Variants in RNF38 observed in about 807,000 individuals in gnomAD.
RNF38 encodes ring finger protein 38, also known as E3 ubiquitin-protein ligase RNF38.
A neutral mutation model predicts 67.2 loss-of-function variants in RNF38; 15 were observed. That is an observed-to-expected ratio of 0.22 (90% CI 0.15 to 0.34). RNF38 has a LOEUF of 0.34. Among genes scored for constraint, RNF38 ranks in the 10% least tolerant of loss-of-function variants. RNF38 has a pLI of 1.00. For missense variants in RNF38, 524 were observed against 639.9 expected (o/e 0.82, Z 1.95); for synonymous variants, 220 against 218.8 (o/e 1.01, Z -0.05).
intron 1 of RNF38, among the ~76,000 whole-genome samples, chr9:36,432,076 T>C (rs570180525): frequency 1.3e-5 from 2 of 152,346 alleles, no homozygotes; most frequent in East Asian, 1.9e-4. Flanking sequence ...AGTTGTGAGA[T>C]AAATAATCTA....
chr9:36,475,802 G>A (rs900526333), intron 1 of RNF38, among the ~76,000 whole-genome samples: 4 of 150,878 alleles, frequency 2.7e-5, no homozygotes, highest in Non-Finnish European at 5.9e-5. Context: ...CGGATCACAC[G>A]GTCAGGAGTT....
chr9:36,390,698 T>C, intron 1 of RNF38, 82 bp from the exon 2 acceptor site: 3 of 1,364,382 alleles, frequency 2.2e-6, no homozygotes, highest in Non-Finnish European at 3.0e-6. Context: ...ATAGTCTGGA[T>C]TTTCTAGGTA....
rs564479148 is a variant in RNF38 at position 36,467,215 on chromosome 9, T to C, written n.241+20093A>G. 6.5e-5 allele frequency among the ~76,000 whole-genome samples: 5 copies of C among 77,194 alleles called. No homozygotes were observed. In the East Asian group the frequency reaches 2.0e-3, roughly 30 times the overall value. The allele number at this position is 77,194 out of a possible 152,430, so 50.6% of individuals were successfully genotyped here. A position where few individuals can be genotyped will look rare whatever the true frequency, so the allele number is the denominator to read the frequency against. On this transcript the variant is annotated intron_variant and non_coding_transcript_variant, in intron 1 of 3. Transcript: ENST00000488058. ...CAACTGCAACTAATCTGATTGCTAT[T>C]ACATATATATATATATAATATATAT...
chr9:36,427,595 T>C (rs905925353), intron 1 of RNF38, among the ~76,000 whole-genome samples: 16 of 152,154 alleles, frequency 1.1e-4, no homozygotes, highest in African/African-American at 3.1e-4. Flanking sequence ...GCACTCTCTA[T>C]GTACCAGGAA....
rs1029766002 is a variant in RNF38 at position 36,388,374 on chromosome 9, A to T, written c.162+2093T>A. Among the ~76,000 whole-genome samples, 8 of 152,366 alleles carry T rather than the reference A, an allele frequency of 5.3e-5. No homozygotes were observed. In the East Asian group the frequency reaches 1.3e-3, roughly 26 times the overall value. On this transcript the variant is annotated intron_variant, in intron 2 of 11. Transcript: ENST00000259605. ...CCTGAATTTTGGGCAATTAAAAAGA[A>T]GTCTTGACTAGGAGCAATACAAAAC...
At chr9:36,348,573 C>CTT (rs1396926925) in intron 9 of RNF38, among the ~76,000 whole-genome samples, 1 of 152,170 alleles carries the variant, frequency 6.6e-6, no homozygotes, top group African/African-American at 2.4e-5. Flanking sequence ...TGGAGAAAGT[C>CTT]TGAGTGATAC....
In RNF38 at chr9:36,432,406, T is replaced by C. The variant is rs1475041231; in HGVS notation, n.242-7723A>G. On this transcript the variant is annotated intron_variant and non_coding_transcript_variant, in intron 1 of 3. Coordinates refer to the RNF38 transcript ENST00000488058. ...CTTTGGCATCCCAAAGTGCTGGGAT[T>C]ACAGGCGTTAAGCCACCGCGCCTAG... is the stretch of plus-strand genomic sequence containing the variant. Among the ~76,000 whole-genome samples the C allele has an allele frequency of 3.3e-5, 5 of 152,152 alleles. No individual in the cohort carries two copies. In the South Asian group the frequency reaches 6.2e-4, roughly 19 times the overall value.
At chr9:36,481,058 A>G (rs1840248919) in intron 1 of RNF38, among the ~76,000 whole-genome samples, 1 of 141,598 alleles carries the variant, frequency 7.1e-6, no homozygotes, top group Admixed American at 7.5e-5. Context: ...TCTGTCACCC[A>G]GGCTGGAGTG....
intron 1 of RNF38, among the ~76,000 whole-genome samples, chr9:36,441,280 A>AT (rs1475530934): frequency 6.6e-6 from 1 of 152,104 alleles, no homozygotes; most frequent in Non-Finnish European, 1.5e-5. Context: ...TAAAATTTAC[A>AT]TAATTTCATT....
intron 2 of RNF38, among the ~76,000 whole-genome samples, chr9:36,423,539 T>C (rs961240000): frequency 6.6e-6 from 1 of 152,118 alleles, no homozygotes; most frequent in African/African-American, 2.4e-5. Context: ...CCACTAGAAA[T>C]TGATGGTGAA....
chr9:36,429,665 G>A (rs1441867566), intron 1 of RNF38, among the ~76,000 whole-genome samples: 2 of 151,994 alleles, frequency 1.3e-5, no homozygotes, highest in African/African-American at 4.8e-5. Flanking sequence ...ATGGTGGCGG[G>A]CACCTGTAAT....
At chr9:36,397,985 G>A (rs865833346) in intron 1 of RNF38, among the ~76,000 whole-genome samples, 2 of 151,892 alleles carry the variant, frequency 1.3e-5, no homozygotes, top group African/African-American at 2.4e-5. Flanking sequence ...ACACACACAC[G>A]GCGCACACAC....
rs1182448831 is a variant in RNF38 at position 36,411,287 on chromosome 9, G to A, written n.312+13326C>T. Among the ~76,000 whole-genome samples, 4 of 152,066 alleles carry A rather than the reference G, an allele frequency of 2.6e-5. No homozygotes were observed. In the East Asian group the frequency reaches 7.7e-4, roughly 29 times the overall value. The stretch of plus-strand genomic sequence containing the variant: ...AAATAACAAGTGTTGGCGAGGATTT[G>A]GAGAAACTGGAATCTCTCTGCACTG... On this transcript the variant is annotated intron_variant and non_coding_transcript_variant, in intron 2 of 3. Coordinates refer to the RNF38 transcript ENST00000488058.
intron 4 of RNF38, among the ~76,000 whole-genome samples, chr9:36,369,395 A>C (rs1411049333): frequency 6.6e-6 from 1 of 152,054 alleles, no homozygotes; most frequent in African/African-American, 2.4e-5. Context: ...TAATTTTCGT[A>C]CTTTTAGTAG....
chr9:36,411,678 C>T (rs1838329110), intron 2 of RNF38, among the ~76,000 whole-genome samples: 1 of 152,106 alleles, frequency 6.6e-6, no homozygotes, highest in South Asian at 2.1e-4. Context: ...CCTCCTGCCT[C>T]AGCCTCCTAA....
At chr9:36,401,076 C>G (rs915366570), upstream of RNF38, 17 of 984,970 alleles carry the variant, frequency 1.7e-5, no homozygotes, top group Non-Finnish European at 1.8e-5. Context: ...CCGTCCCACC[C>G]CGTCCCCTCG....
At chr9:36,394,238 G>A (rs990926839) in intron 1 of RNF38, among the ~76,000 whole-genome samples, 1 of 151,802 alleles carries the variant, frequency 6.6e-6, no homozygotes, top group Non-Finnish European at 1.5e-5. Flanking sequence ...TCGTGCCACT[G>A]CACTCCAGCC....
At position 36,444,948 on chromosome 9, in the gene RNF38, A is replaced by G. The variant is rs1351182644; in HGVS notation, n.242-20265T>C. 2.3e-5 allele frequency among the ~76,000 whole-genome samples: 3 copies of G among 129,818 alleles called. No individual in the cohort carries two copies. In the Admixed American group the frequency reaches 2.7e-4, roughly 12 times the overall value. 85.2% of individuals were successfully genotyped at this position (129,818 alleles called of 152,430 possible). A position where few individuals can be genotyped will look rare whatever the true frequency, so the allele number is the denominator to read the frequency against. ...TTTTTTTTTTTTTTTGAGACCTATC[A>G]GTGATCGCCAGAGATTTCTGGTTAA... On this transcript the variant is annotated intron_variant and non_coding_transcript_variant, in intron 1 of 3. Transcript: ENST00000488058.
intron 2 of RNF38, among the ~76,000 whole-genome samples, chr9:36,376,678 C>A (rs1185690417): frequency 6.6e-6 from 1 of 152,098 alleles, no homozygotes; most frequent in Non-Finnish European, 1.5e-5. Flanking sequence ...GTAATCCCAG[C>A]ACTTTGGGAG....
Sources: gnomAD v4.1 joint callset for allele counts (sites outside exome capture counted in the v4.1 genomes callset) on GRCh38, gnomAD v4.1.1 for gene constraint, MANE v1.5 for transcripts, NCBI Gene and HGNC (gene_info 2026-07-23, HGNC 2026-07-21) for gene names.